The following TMCC3 variants were observed in gnomAD, a reference collection of about 807,000 sequenced individuals.
TMCC3 encodes the protein transmembrane and coiled-coil domain protein 3.
TMCC3 carries 28 observed loss-of-function variants against 40.2 expected under a neutral mutation model. The observed-to-expected ratio is 0.70, with a 90% CI of 0.52 to 0.95. TMCC3 has a LOEUF of 0.95. TMCC3 is among the 40% of genes least tolerant of loss of function. The pLI is 0.00. For missense variants in TMCC3, 554 were observed against 615.2 expected (o/e 0.90, Z 1.05); for synonymous variants, 255 against 248.5 (o/e 1.03, Z -0.25).
intron 1 of TMCC3, among the ~76,000 whole-genome samples, chr12:94,648,123 G>C (rs2069030464): frequency 6.6e-6 from 1 of 152,092 alleles, no homozygotes; most frequent in Admixed American, 6.6e-5. Flanking sequence ...CACATATAAT[G>C]TCTAACTCAG....
At chr12:94,614,096 A>AG (rs1370530130) in intron 1 of TMCC3, among the ~76,000 whole-genome samples, 4 of 106,808 alleles carry the variant, frequency 3.7e-5, no homozygotes, top group African/African-American at 1.2e-4. Flanking sequence ...CTCCATCTCC[A>AG]GAAAAAAAAA....
intron 1 of TMCC3, among the ~76,000 whole-genome samples, chr12:94,602,290 A>C (rs1376963034): frequency 1.3e-5 from 2 of 152,226 alleles, no homozygotes; most frequent in East Asian, 3.9e-4. Flanking sequence ...TTTTAGTTGC[A>C]GAGATCACAG....
intron 3 of TMCC3, among the ~76,000 whole-genome samples, 175 bp downstream of exon 3, chr12:94,578,219 C>T (rs2068578675): frequency 1.4e-5 from 2 of 147,060 alleles, no homozygotes; most frequent in Admixed American, 6.8e-5. Context: ...TTAGTAATGT[C>T]TATAACATGA....
intron 1 of TMCC3, among the ~76,000 whole-genome samples, chr12:94,587,304 C>G (rs1432964495): frequency 6.6e-6 from 1 of 152,186 alleles, no homozygotes; most frequent in Non-Finnish European, 1.5e-5. Context: ...TGAGTCACCT[C>G]TACGGGCTTC....
intron 1 of TMCC3, among the ~76,000 whole-genome samples, chr12:94,625,159 AT>A (rs1555285428): frequency 1.4e-5 from 2 of 146,688 alleles, no homozygotes; most frequent in Non-Finnish European, 3.0e-5. Context: ...AAAAAAAAAA[AT>A]TTTTTTTTTA....
At chr12:94,642,249 A>G (rs1053917261) in intron 1 of TMCC3, among the ~76,000 whole-genome samples, 3 of 152,232 alleles carry the variant, frequency 2.0e-5, no homozygotes, top group African/African-American at 7.2e-5. Context: ...TATTAATTAC[A>G]TAATTTTACT....
chr12:94,607,180 T>C (rs1363997774), intron 1 of TMCC3, among the ~76,000 whole-genome samples: 1 of 152,232 alleles, frequency 6.6e-6, no homozygotes, highest in African/African-American at 2.4e-5. Flanking sequence ...GGCTCTATTC[T>C]GCCTGACCCC....
At chr12:94,641,745 G>A (rs2068992097) in intron 1 of TMCC3, among the ~76,000 whole-genome samples, 1 of 152,068 alleles carries the variant, frequency 6.6e-6, no homozygotes, top group African/African-American at 2.4e-5. Context: ...GCAGACTTGG[G>A]TTGAATTCTA....
intron 1 of TMCC3, among the ~76,000 whole-genome samples, chr12:94,646,357 C>T (rs2069017972): frequency 6.6e-6 from 1 of 150,876 alleles, no homozygotes; most frequent in African/African-American, 2.4e-5. Context: ...TAGACAAATA[C>T]AGCTTTTTCA....
At chr12:94,597,233 T>C (rs1360049121) in intron 1 of TMCC3, among the ~76,000 whole-genome samples, 8 of 150,248 alleles carry the variant, frequency 5.3e-5, no homozygotes, top group Non-Finnish European at 1.0e-4. Context: ...GAGGACTGAT[T>C]GAACCCAGGA....
At chr12:94,593,677 A>T (rs572765875) in intron 1 of TMCC3, among the ~76,000 whole-genome samples, 6 of 151,978 alleles carry the variant, frequency 3.9e-5, no homozygotes, top group Non-Finnish European at 7.4e-5. Context: ...ACTCACAAAC[A>T]CTTGATACTG....
intron 1 of TMCC3, chr12:94,598,885 G>GACTTAGGT: frequency 1.6e-6 from 1 of 613,890 alleles, no homozygotes; most frequent in Non-Finnish European, 2.0e-6. Flanking sequence ...TAGAACCTAA[G>GACTTAGGT]TCTGTATTTG....
intron 1 of TMCC3, among the ~76,000 whole-genome samples, chr12:94,592,661 C>CAAACAAAAAAAAAAAAAAAAAAAAAAA (rs1179258894): frequency 2.2e-4 from 6 of 27,496 alleles, no homozygotes; most frequent in African/African-American, 2.8e-4. Context: ...GGCTCCATCT[C>CAAACAAAAAAAAAAAAAAAAAAAAAAA]AAAAAAAAAA....
Position 94,601,269 on chromosome 12 carries a change from C to G in TMCC3, c.79-18731G>C, listed in dbSNP as rs192186607. Among the ~76,000 whole-genome samples the G allele has an allele frequency of 2.0e-4, 31 of 152,198 alleles. 1 individual carries two copies. In the East Asian group the frequency reaches 5.8e-3, roughly 28 times the overall value. On this transcript the variant is annotated intron_variant, in intron 1 of 3. Transcript: ENST00000261226. Reference sequence around the variant, plus strand: ...GTGGCTCATGACTGTAATCCCAACACTTTGGGAGGCTGAGGCGGGCAGATC... The same window carrying G: ...GTGGCTCATGACTGTAATCCCAACAGTTTGGGAGGCTGAGGCGGGCAGATC...
chr12:94,610,442 A>AT (rs1566327466), intron 1 of TMCC3, among the ~76,000 whole-genome samples: 182 of 151,344 alleles, frequency 1.2e-3, no homozygotes, highest in African/African-American at 4.1e-3. Context: ...AAAAAAAAAA[A>AT]ATTTTTTTTT....
chr12:94,612,572 G>T (rs1315693856), intron 1 of TMCC3, among the ~76,000 whole-genome samples: 1 of 152,108 alleles, frequency 6.6e-6, no homozygotes, highest in Non-Finnish European at 1.5e-5. Context: ...GGCCCCCAAA[G>T]TGCTGGGATT....
At chr12:94,591,155 A>T (rs1292264451) in intron 1 of TMCC3, 4 of 365,184 alleles carry the variant, frequency 1.1e-5, no homozygotes, top group Non-Finnish European at 2.1e-5. Flanking sequence ...GGAAAATACG[A>T]GACTTCGTAC....
intron 1 of TMCC3, among the ~76,000 whole-genome samples, chr12:94,594,864 C>T (rs1210370615): frequency 3.9e-5 from 6 of 152,178 alleles, no homozygotes; most frequent in Non-Finnish European, 5.9e-5. Flanking sequence ...AGTTTCTAAA[C>T]GATAGTTACA....
At position 94,610,257 on chromosome 12, in the gene TMCC3, C is replaced by T. The variant is rs146593606; in HGVS notation, c.79-27719G>A. 5.9e-3 allele frequency among the ~76,000 whole-genome samples: 903 copies of T among 152,218 alleles called. 5 individuals carry two copies. The highest frequency in any genetic ancestry group is 9.5e-3 in the Non-Finnish European group (648 of 68,012). ...GCACTGGAGGTAGAAGAAAGGGAAT[C>T]GGAACCTTCTTTAGCCACCAAGTGT... On this transcript the variant is annotated intron_variant, in intron 1 of 3. Coordinates refer to ENST00000261226, the MANE Select transcript of TMCC3 (RefSeq NM_020698.4).
Sources: gnomAD v4.1 joint callset for allele counts (sites outside exome capture counted in the v4.1 genomes callset) on GRCh38, gnomAD v4.1.1 for gene constraint, MANE v1.5 for transcripts, NCBI Gene and HGNC (gene_info 2026-07-23, HGNC 2026-07-21) for gene names.